NDST4: variants seen among roughly 807,000 people sequenced by gnomAD.
NDST4 encodes N-heparan sulfate sulfotransferase 4.
NDST4 carries 63 observed loss-of-function variants against 100.8 expected under a neutral mutation model. The observed-to-expected ratio is 0.62, with a 90% CI of 0.51 to 0.77. The LOEUF is 0.77. Among genes scored for constraint, NDST4 ranks in the 30% least tolerant of loss-of-function variants. The probability of loss-of-function intolerance (pLI) is 0.00; values close to 1 mark genes in which losing one functional copy is unlikely to be tolerated. For missense variants in NDST4, 943 were observed against 1,018.4 expected, an observed-to-expected ratio of 0.93 and a Z score of 1.01; for synonymous variants, 377 against 361.8, an observed-to-expected ratio of 1.04 and a Z score of -0.48.
chr4:115,056,444 T>C (rs1424668053), intron 2 of NDST4, among the ~76,000 whole-genome samples: 1 of 152,102 alleles, frequency 6.6e-6, no homozygotes, highest in Non-Finnish European at 1.5e-5. Flanking sequence ...TTGATAGAGC[T>C]AACTTAGTTT....
intron 6 of NDST4, among the ~76,000 whole-genome samples, chr4:114,875,189 G>T (rs1351224205): frequency 2.0e-5 from 3 of 152,276 alleles, no homozygotes; most frequent in Admixed American, 2.0e-4. Flanking sequence ...CACTGCTTCT[G>T]GCATCAAGCA....
At chr4:115,018,407 AT>A (rs1415770702) in intron 2 of NDST4, among the ~76,000 whole-genome samples, 6 of 152,074 alleles carry the variant, frequency 3.9e-5, no homozygotes, top group Admixed American at 3.9e-4. Flanking sequence ...TATGGAGCTG[AT>A]TTAAAAATTC....
chr4:115,084,434 A>G (rs1729367775), intron 1 of NDST4, among the ~76,000 whole-genome samples: 1 of 152,224 alleles, frequency 6.6e-6, no homozygotes, highest in Non-Finnish European at 1.5e-5. Context: ...AGTAACAAGG[A>G]GCAGAATGTT....
intron 3 of NDST4, among the ~76,000 whole-genome samples, chr4:114,973,920 A>C (rs1339917101): frequency 6.6e-6 from 1 of 151,898 alleles, no homozygotes; most frequent in Non-Finnish European, 1.5e-5. Flanking sequence ...TTAATATTAT[A>C]CTAAATATAA....
chr4:115,062,290 G>T (rs1376400464), intron 2 of NDST4, among the ~76,000 whole-genome samples: 3 of 151,946 alleles, frequency 2.0e-5, no homozygotes, highest in Non-Finnish European at 4.4e-5. Context: ...GTAAGAGAAA[G>T]AATATACCAT....
At chr4:115,086,631 T>C (rs1160391572) in intron 1 of NDST4, among the ~76,000 whole-genome samples, 2 of 152,066 alleles carry the variant, frequency 1.3e-5, no homozygotes, top group African/African-American at 4.8e-5. Context: ...ACATTCATAC[T>C]TCAAAAGATT....
At chr4:115,085,336 G>C (rs1729389109) in intron 1 of NDST4, among the ~76,000 whole-genome samples, 1 of 152,144 alleles carries the variant, frequency 6.6e-6, no homozygotes, top group Non-Finnish European at 1.5e-5. Context: ...TCTCATATGA[G>C]ACTTTGGACT....
rs1725650138 is a variant in NDST4 at position 114,937,298 on chromosome 4, A to G, written c.1407+20T>C. 6.2e-7 allele frequency: 1 copy of G among 1,612,868 alleles called. No homozygotes were observed. The highest frequency in any genetic ancestry group is 1.1e-5 in the South Asian group (1 of 91,058). On this transcript the variant is annotated intron_variant, in intron 5 of 13. Transcript: ENST00000264363. ...TGTAAATATTAACATCCTTCAATAT[A>G]CATGGCTCTCTGTGCTCACCATGAT...
At chr4:115,039,101 C>T (rs1440310658) in intron 2 of NDST4, among the ~76,000 whole-genome samples, 8 of 152,070 alleles carry the variant, frequency 5.3e-5, no homozygotes, top group African/African-American at 1.4e-4. Context: ...TAAAACAATC[C>T]GGTGAGCAGG....
intron 12 of NDST4, among the ~76,000 whole-genome samples, chr4:114,833,024 G>A (rs1405707846): frequency 6.6e-6 from 1 of 152,178 alleles, no homozygotes; most frequent in Non-Finnish European, 1.5e-5. Context: ...GCGAAGACAA[G>A]CCATCCTTCT....
intron 4 of NDST4, 130 bp from the exon 5 acceptor site, chr4:114,937,633 T>C: frequency 1.4e-6 from 1 of 716,160 alleles, no homozygotes. Context: ...TCCAGCAAGG[T>C]AGAGGTTTTA....
At chr4:114,842,758 G>C in intron 10 of NDST4, 1 of 161,638 alleles carries the variant, frequency 6.2e-6, no homozygotes, top group Admixed American at 6.6e-5. Flanking sequence ...CCGAGATCAC[G>C]CCATTGCACT....
At chr4:115,100,813 T>A (rs1244209908) in intron 1 of NDST4, among the ~76,000 whole-genome samples, 17 of 151,912 alleles carry the variant, frequency 1.1e-4, no homozygotes, top group Admixed American at 5.3e-4. Flanking sequence ...TCCTTTTTTT[T>A]TTTTTTCCCT....
intron 2 of NDST4, among the ~76,000 whole-genome samples, chr4:115,062,598 G>A (rs1279706822): frequency 1.3e-5 from 2 of 151,068 alleles, no homozygotes; most frequent in Non-Finnish European, 3.0e-5. Context: ...AGCATATCAG[G>A]CATTAACATG....
chr4:115,073,932 T>C (rs1272797385), intron 2 of NDST4, among the ~76,000 whole-genome samples: 1 of 151,732 alleles, frequency 6.6e-6, no homozygotes, highest in East Asian at 1.9e-4. Flanking sequence ...TTTTTGTCAA[T>C]TAAAAATTAA....
intron 6 of NDST4, among the ~76,000 whole-genome samples, chr4:114,927,116 A>C (rs1725401415): frequency 6.6e-6 from 1 of 151,968 alleles, no homozygotes. Context: ...TTTAATTGTC[A>C]AATATGTTGA....
At chr4:115,028,404 A>T (rs1225162044) in intron 2 of NDST4, among the ~76,000 whole-genome samples, 1 of 152,146 alleles carries the variant, frequency 6.6e-6, no homozygotes, top group African/African-American at 2.4e-5. Flanking sequence ...GTGTACATAT[A>T]TCGATTTAGG....
chr4:114,988,066 T>C (rs967216455), intron 2 of NDST4, among the ~76,000 whole-genome samples: 1 of 152,178 alleles, frequency 6.6e-6, no homozygotes, highest in Non-Finnish European at 1.5e-5. Flanking sequence ...GGATTTGCTA[T>C]TGTTAAGGAG....
intron 6 of NDST4, among the ~76,000 whole-genome samples, chr4:114,892,769 GTTTATTTATTTA>G (rs984594877): frequency 6.6e-6 from 1 of 151,724 alleles, no homozygotes; most frequent in Non-Finnish European, 1.5e-5. Flanking sequence ...GGCAGTCATA[GTTTATTTATTTA>G]TTTATTTCTT....
Sources: allele counts gnomAD v4.1 joint callset (sites outside exome capture counted in the v4.1 genomes callset), GRCh38; gene constraint gnomAD v4.1.1; transcripts MANE v1.5; gene names NCBI Gene and HGNC (gene_info 2026-07-23, HGNC 2026-07-21).